Variants in TMC5 observed in about 807,000 individuals in gnomAD.
TMC5 encodes transmembrane channel-like protein 5.
TMC5 carries 86 observed loss-of-function variants against 110.5 expected under a neutral mutation model. That is an observed-to-expected ratio of 0.78 (90% CI 0.65 to 0.93). The LOEUF (loss-of-function observed/expected upper bound fraction) is 0.93. Ranked by LOEUF, TMC5 falls within the 40% of genes least tolerant of loss-of-function variation. The probability of loss-of-function intolerance (pLI) is 0.00; values close to 1 mark genes in which losing one functional copy is unlikely to be tolerated. For synonymous variants in TMC5, 455 were observed against 439.5 expected (o/e 1.04, Z -0.44); for missense variants, 1,144 against 1,222.8 (o/e 0.94, Z 0.96).
In TMC5 at chr16:19,460,132, A is replaced by C. The variant is rs1358007603; in HGVS notation, c.1049-103A>C. The C allele has an allele frequency of 4.0e-6, 3 of 757,248 alleles. No homozygotes were observed. In the African/African-American group the frequency reaches 5.3e-5, roughly 13 times the overall value. 46.9% of individuals were successfully genotyped at this position (757,248 alleles called of 1,614,324 possible). A position where few individuals can be genotyped will look rare whatever the true frequency, so the allele number is the denominator to read the frequency against. Reference sequence around the variant, plus strand: ...GATCTTTGAGATCCCCAACTCCATAAACTTCTTCCCTTGTGTTACGTGCTC... The same window carrying C: ...GATCTTTGAGATCCCCAACTCCATACACTTCTTCCCTTGTGTTACGTGCTC... On this transcript the variant is annotated intron_variant, in intron 5 of 21. Coordinates refer to ENST00000542583, the MANE Select transcript of TMC5 (RefSeq NM_001261841.2).
chr16:19,450,312 G>A (rs74013782), intron 5 of TMC5, among the ~76,000 whole-genome samples: 10,711 of 152,190 alleles, frequency 0.07, 763 homozygotes, highest in African/African-American at 0.19. Context: ...GAAAGTAGAA[G>A]TATTAGTACC....
In TMC5 at chr16:19,439,975, G is replaced by GA; in HGVS notation, c.-63dup. 1 of 1,234,892 alleles carries GA rather than the reference G, an allele frequency of 8.1e-7. No homozygotes were observed. Among genetic ancestry groups the GA allele is most frequent in the Admixed American group, 2.3e-5 (1 of 42,752 alleles). The allele number at this position is 1,234,892 out of a possible 1,614,324, so 76.5% of individuals were successfully genotyped here. On this transcript the variant is annotated 5_prime_UTR_variant, in exon 3 of 22. Transcript: ENST00000542583. ...TGTTTTTCAGGTGAAAAAAAAAAAA[G>GA]ATCCCTGAGTAATTGCAAATGCTGG...
chr16:19,419,557 C>T (rs1486926594), intron 1 of TMC5, among the ~76,000 whole-genome samples: 4 of 151,666 alleles, frequency 2.6e-5, no homozygotes, highest in African/African-American at 7.3e-5. Context: ...GGACTACGGG[C>T]GCCTGCCACC....
At chr16:19,487,087 G>A in intron 16 of TMC5, 67 bp downstream of exon 16, 1 of 1,610,520 alleles carries the variant, frequency 6.2e-7, no homozygotes, top group African/African-American at 1.3e-5. Context: ...GGCGCTTAAA[G>A]CTGGGGAAGG....
rs530314963 is a variant in TMC5, at chr16:19,418,030, C to T, written c.-370C>T. 3 of 152,174 alleles carry T rather than the reference C, an allele frequency of 2.0e-5. No individual in the cohort carries two copies. In the East Asian group the frequency reaches 5.8e-4, roughly 29 times the overall value. The allele number at this position is 152,174 out of a possible 1,614,324, so 9.4% of individuals were successfully genotyped here. On this transcript the variant is annotated 5_prime_UTR_variant, in exon 1 of 22. Transcript: ENST00000542583. ...AAAAGAGGACCTGTTGCCTGTCCCT[C>T]TAGCTTTGAACTACAAAGTGGAGGG...
intron 19 of TMC5, among the ~76,000 whole-genome samples, chr16:19,493,466 T>TTTCTCTCTTTC (rs55737824): frequency 1.5e-4 from 19 of 124,496 alleles, no homozygotes; most frequent in African/African-American, 4.5e-4. Flanking sequence ...TCTCTCTCTC[T>TTTCTCTCTTTC]TTTTTTTTTT....
chr16:19,440,476 T>C lies in TMC5; in HGVS notation c.438T>C (p.Tyr146=). Residue 146 remains tyrosine (Y), a synonymous_variant, in exon 3 of 22, where the codon TAT becomes TAC. Coordinates refer to ENST00000542583, the MANE Select transcript of TMC5 (RefSeq NM_001261841.2). ...DFAGSSSSGN[Y]AGSRTHPDHF... is the part of the protein sequence containing the mutation. ...CAGGCTCCAGCAGCAGTGGAAACTA[T>C]GCAGGCTCCAGAACACATCCAGATC... is the stretch of plus-strand genomic sequence containing the variant. 1.9e-6 allele frequency: 3 copies of C among 1,614,138 alleles called. No individual in the cohort carries two copies. Among genetic ancestry groups the C allele is most frequent in the Non-Finnish European group, 2.5e-6 (3 of 1,180,036 alleles).
intron 1 of TMC5, among the ~76,000 whole-genome samples, chr16:19,420,291 G>C (rs1218231966): frequency 1.3e-5 from 2 of 152,074 alleles, no homozygotes; most frequent in African/African-American, 4.8e-5. Context: ...AGCCAGGCAT[G>C]GTGGCACACA....
chr16:19,434,190 A>T (rs57737091), intron 2 of TMC5, among the ~76,000 whole-genome samples: 1 of 5,664 alleles, frequency 1.8e-4, no homozygotes. Context: ...TAGATATATA[A>T]TATATATATC....
At chr16:19,486,682 A>G (rs1968750277) in intron 15 of TMC5, among the ~76,000 whole-genome samples, 1 of 151,504 alleles carries the variant, frequency 6.6e-6, no homozygotes, top group African/African-American at 2.4e-5. Context: ...CTGGCCTCCT[A>G]ATCTCTTCTT....
intron 6 of TMC5, among the ~76,000 whole-genome samples, chr16:19,462,160 TG>T (rs1242198077): frequency 6.6e-6 from 1 of 152,210 alleles, no homozygotes; most frequent in East Asian, 1.9e-4. Flanking sequence ...TGGCTGCCTC[TG>T]TCACTGAATA....
At chr16:19,438,963 G>C (rs1226914641) in intron 2 of TMC5, among the ~76,000 whole-genome samples, 1 of 152,184 alleles carries the variant, frequency 6.6e-6, no homozygotes, top group Non-Finnish European at 1.5e-5. Context: ...AGAAAAGGGA[G>C]ATGACATAGA....
chr16:19,494,210 A>C, intron 19 of TMC5, 52 bp from the exon 20 acceptor site: 2 of 1,398,610 alleles, frequency 1.4e-6, no homozygotes, highest in East Asian at 2.3e-5. Flanking sequence ...ATTCCATACC[A>C]TCATTCATTC....
chr16:19,479,611 C>A, intron 14 of TMC5, 83 bp downstream of exon 14: 1 of 945,732 alleles, frequency 1.1e-6, no homozygotes, highest in Non-Finnish European at 1.7e-6. Context: ...CATACAGGTG[C>A]CTGACATACT....
intron 4 of TMC5, among the ~76,000 whole-genome samples, chr16:19,445,411 T>G (rs1370762413): frequency 6.6e-6 from 1 of 152,042 alleles, no homozygotes; most frequent in Non-Finnish European, 1.5e-5. Flanking sequence ...CCTGGCACTT[T>G]TTTTATGCTT....
intron 4 of TMC5, 123 bp downstream of exon 4, chr16:19,444,373 C>T: frequency 1.2e-6 from 1 of 836,816 alleles, no homozygotes; most frequent in South Asian, 2.0e-5. Context: ...TCTCAGAGAC[C>T]CTTGTTTTTA....
At chr16:19,422,031 C>A (rs952894956) in intron 1 of TMC5, among the ~76,000 whole-genome samples, 1 of 151,766 alleles carries the variant, frequency 6.6e-6, no homozygotes, top group African/African-American at 2.4e-5. Context: ...GAGATCAAGA[C>A]CATCCTGGCC....
Position 19,440,772 on chromosome 16 carries a change from A to G in TMC5, c.734A>G (p.Asp245Gly), listed in dbSNP as rs1161723046. ...ACTTGGAGAGAACCTGATTATTCAG[A>G]TGCTGAGAATGGTCATGATTATGGC... ...PSTWREPDYS[D>G]AENGHDYGSS... Residue 245 changes from aspartate to glycine, a missense_variant, in exon 3 of 22, where the codon GAT becomes GGT. Transcript: ENST00000542583. 2 of 1,614,070 alleles carry G rather than the reference A, an allele frequency of 1.2e-6. No individual in the cohort carries two copies. Among genetic ancestry groups the G allele is most frequent in the South Asian group, 2.2e-5 (2 of 91,076 alleles).
intron 5 of TMC5, chr16:19,456,631 C>T: frequency 6.5e-7 from 1 of 1,530,932 alleles, no homozygotes. Context: ...GAGTCCCAAT[C>T]AATGCGGGTG....
Sources: allele counts gnomAD v4.1 joint callset (sites outside exome capture counted in the v4.1 genomes callset), GRCh38; gene constraint gnomAD v4.1.1; transcripts MANE v1.5; gene names NCBI Gene and HGNC (gene_info 2026-07-23, HGNC 2026-07-21).